The following NSUN6 variants were observed in gnomAD, a reference collection of about 807,000 sequenced individuals.
NSUN6 encodes NOP2/Sun RNA methyltransferase 6, also known as tRNA (cytosine(72)-C(5))-methyltransferase NSUN6.
NSUN6 carries 64 observed loss-of-function variants against 58.0 expected under a neutral mutation model. That is an observed-to-expected ratio of 1.10 (90% confidence interval 0.90 to 1.36). NSUN6 has a LOEUF of 1.36. Among genes scored for constraint, NSUN6 ranks in the 40% most tolerant of loss-of-function variants. The probability of loss-of-function intolerance (pLI) is 0.00; values close to 1 mark genes in which losing one functional copy is unlikely to be tolerated. For missense variants in NSUN6, 701 were observed against 550.1 expected, an observed-to-expected ratio of 1.27 and a Z score of -2.74; for synonymous variants, 231 against 193.9, an observed-to-expected ratio of 1.19 and a Z score of -1.59.
At chr10:18,656,339 C>G (rs2059777094), upstream of NSUN6, among the ~76,000 whole-genome samples, 1 of 152,176 alleles carries the variant, frequency 6.6e-6, no homozygotes, top group African/African-American at 2.4e-5. Flanking sequence ...GAGTTCAAGA[C>G]CAGCCTGACC....
intron 1 of NSUN6, among the ~76,000 whole-genome samples, 178 bp from the exon 2 acceptor site, chr10:18,648,823 T>G (rs1025108836): frequency 1.3e-5 from 2 of 152,226 alleles, no homozygotes; most frequent in Non-Finnish European, 2.9e-5. Context: ...ACGGGGTTCT[T>G]GGGCTTCAAC....
chr10:18,603,473 C>CTTTTTTTTTTTT (rs1245707205), intron 6 of NSUN6, among the ~76,000 whole-genome samples: 1 of 147,508 alleles, frequency 6.8e-6, no homozygotes. Context: ...CTTTTCTTTT[C>CTTTTTTTTTTTT]TTTTCTTTTT....
intron 7 of NSUN6, among the ~76,000 whole-genome samples, chr10:18,590,592 A>G (rs903777755): frequency 2.0e-5 from 3 of 152,250 alleles, no homozygotes; most frequent in Non-Finnish European, 4.4e-5. Flanking sequence ...AGGACTCAGG[A>G]TTAAGAAACT....
At chr10:18,652,310 G>T (rs1372480831), upstream of NSUN6, 1 of 983,962 alleles carries the variant, frequency 1.0e-6, no homozygotes, top group Non-Finnish European at 1.2e-6. Flanking sequence ...TTTTATAACT[G>T]TACAGGAAAG....
At chr10:18,575,534 A>C (rs1359565785) in intron 8 of NSUN6, among the ~76,000 whole-genome samples, 2 of 152,342 alleles carry the variant, frequency 1.3e-5, no homozygotes. Flanking sequence ...TTCACCACAC[A>C]CATTATTAAA....
intron 7 of NSUN6, among the ~76,000 whole-genome samples, chr10:18,594,951 C>T (rs2057527729): frequency 6.6e-6 from 1 of 152,178 alleles, no homozygotes; most frequent in Non-Finnish European, 1.5e-5. Context: ...AACAGTTGGA[C>T]TTGCTCTGCT....
intron 6 of NSUN6, 68 bp from the exon 7 acceptor site, chr10:18,596,395 T>C (rs1481029718): frequency 2.7e-6 from 3 of 1,093,606 alleles, no homozygotes; most frequent in Non-Finnish European, 4.2e-6. Flanking sequence ...AACCAGAGAA[T>C]ATAAAGAACC....
At chr10:18,583,223 C>T (rs764181855) in intron 8 of NSUN6, among the ~76,000 whole-genome samples, 18 of 152,262 alleles carry the variant, frequency 1.2e-4, no homozygotes, top group Admixed American at 6.5e-4. Flanking sequence ...TCTTGTAACC[C>T]CCTCCTCTGC....
At chr10:18,652,706 T>C (rs1363595977), upstream of NSUN6, 10 of 441,502 alleles carry the variant, frequency 2.3e-5, no homozygotes, top group Admixed American at 6.4e-5. Flanking sequence ...ATTACAGGCA[T>C]GTGCCACCAG....
chr10:18,636,205 G>T (rs1230137818), intron 3 of NSUN6, among the ~76,000 whole-genome samples: 1 of 152,018 alleles, frequency 6.6e-6, no homozygotes, highest in African/African-American at 2.4e-5. Flanking sequence ...AGGGCAGGGG[G>T]TGCGGGAGAT....
In NSUN6 at chr10:18,651,586, T is replaced by A. The variant is rs968800600; in HGVS notation, c.-383A>T. 13 of 990,888 alleles carry A rather than the reference T, an allele frequency of 1.3e-5. No homozygotes were observed. The African/African-American group carries it at 1.9e-4, about 15-fold the overall frequency. The allele number at this position is 990,888 out of a possible 1,614,324, so 61.4% of individuals were successfully genotyped here. On this transcript the variant is annotated 5_prime_UTR_variant, in exon 1 of 11. Transcript: ENST00000377304. The stretch of plus-strand genomic sequence containing the variant: ...CAGCTCGGTCCCTTTATCTTTTCTA[T>A]CAATTTCCAAACACGCGCCCCCTAT...
At chr10:18,639,596 G>A (rs192543899) in intron 3 of NSUN6, among the ~76,000 whole-genome samples, 5 of 152,078 alleles carry the variant, frequency 3.3e-5, no homozygotes, top group South Asian at 4.2e-4. Flanking sequence ...AGAATGAAAG[G>A]TGGGTATGTG....
chr10:18,586,171 G>T, intron 7 of NSUN6, 78 bp from the exon 8 acceptor site: 3 of 1,150,134 alleles, frequency 2.6e-6, no homozygotes, highest in Non-Finnish European at 2.4e-6. Flanking sequence ...AAAATAATGA[G>T]AAAAACATGA....
At chr10:18,654,797 T>G (rs1007475726), upstream of NSUN6, 2 of 152,240 alleles carry the variant, frequency 1.3e-5, no homozygotes, top group African/African-American at 4.8e-5. Context: ...GGAGAAACGC[T>G]TGAACCAGGG....
chr10:18,636,939 TAA>T (rs199781765), intron 3 of NSUN6, among the ~76,000 whole-genome samples: 58 of 117,752 alleles, frequency 4.9e-4, no homozygotes, highest in Non-Finnish European at 7.5e-4. Flanking sequence ...AATCAGGAGT[TAA>T]AAAAAAAAAA....
chr10:18,629,956 TTTC>T (rs1564826011), intron 3 of NSUN6, among the ~76,000 whole-genome samples: 1 of 150,714 alleles, frequency 6.6e-6, no homozygotes, highest in East Asian at 2.0e-4. Flanking sequence ...TATACATTTT[TTTC>T]AGCACCACAC....
intron 5 of NSUN6, among the ~76,000 whole-genome samples, chr10:18,610,348 CA>C (rs910407191): frequency 2.0e-5 from 3 of 148,872 alleles, no homozygotes; most frequent in African/African-American, 4.9e-5. Context: ...AACTCCGTCT[CA>C]AAAAAAAAGA....
intron 8 of NSUN6, among the ~76,000 whole-genome samples, chr10:18,557,002 A>G (rs1375545668): frequency 6.6e-6 from 1 of 151,062 alleles, no homozygotes; most frequent in Non-Finnish European, 1.5e-5. Context: ...GCAGTGAAAA[A>G]TGGAATAGAA....
At chr10:18,574,618 C>G (rs1410309546) in intron 8 of NSUN6, among the ~76,000 whole-genome samples, 1 of 152,118 alleles carries the variant, frequency 6.6e-6, no homozygotes, top group Non-Finnish European at 1.5e-5. Context: ...AGTCAGGAAA[C>G]TTGCCCAACA....
Sources: allele counts gnomAD v4.1 joint callset (sites outside exome capture counted in the v4.1 genomes callset), GRCh38; gene constraint gnomAD v4.1.1; transcripts MANE v1.5; gene names NCBI Gene and HGNC (gene_info 2026-07-23, HGNC 2026-07-21).